GMDS: variants seen among roughly 807,000 people sequenced by gnomAD.
The protein encoded by GMDS is GDP-mannose 4,6-dehydratase.
Under a neutral mutation model 49.9 loss-of-function variants are expected in GMDS, and 20 were observed. The observed-to-expected ratio is 0.40, with a 90% CI of 0.28 to 0.58. The LOEUF is 0.58. Ranked by LOEUF, GMDS falls within the 20% of genes least tolerant of loss-of-function variation. The pLI is 0.42. For missense variants in GMDS, 362 were observed against 481.4 expected, an observed-to-expected ratio of 0.75 and a Z score of 2.32; for synonymous variants, 177 against 178.6, an observed-to-expected ratio of 0.99 and a Z score of 0.07.
intron 7 of GMDS, among the ~76,000 whole-genome samples, chr6:1,764,506 C>G (rs1442470945): frequency 6.6e-6 from 1 of 152,192 alleles, no homozygotes; most frequent in East Asian, 1.9e-4. Context: ...TTTTCTTACA[C>G]AGGTTATAGG....
At chr6:1,826,635 T>C (rs1285499123) in intron 7 of GMDS, among the ~76,000 whole-genome samples, 1 of 152,258 alleles carries the variant, frequency 6.6e-6, no homozygotes, top group Non-Finnish European at 1.5e-5. Flanking sequence ...TAATACCTGA[T>C]TGCATTTTCA....
chr6:1,726,916 C>CT (rs915737762), intron 8 of GMDS, among the ~76,000 whole-genome samples: 131 of 150,634 alleles, frequency 8.7e-4, no homozygotes, highest in Non-Finnish European at 1.5e-3. Flanking sequence ...TCTGTCTTCC[C>CT]TTTTTTTTTC....
chr6:2,102,449 C>A (rs1481761174), intron 4 of GMDS, among the ~76,000 whole-genome samples: 1 of 152,168 alleles, frequency 6.6e-6, no homozygotes, highest in African/African-American at 2.4e-5. Flanking sequence ...ACACAAATCA[C>A]TTAGATTTGC....
intron 6 of GMDS, among the ~76,000 whole-genome samples, chr6:1,954,844 G>C (rs1323249149): frequency 2.0e-5 from 3 of 152,104 alleles, no homozygotes; most frequent in Admixed American, 2.0e-4. Flanking sequence ...TCAGGGAACG[G>C]GGCGGCGGTG....
At chr6:2,077,570 G>C (rs779756392) in intron 4 of GMDS, among the ~76,000 whole-genome samples, 1 of 151,868 alleles carries the variant, frequency 6.6e-6, no homozygotes, top group Non-Finnish European at 1.5e-5. Context: ...TTCTGCTTAC[G>C]TGATGTATCA....
intron 7 of GMDS, among the ~76,000 whole-genome samples, chr6:1,775,126 T>G (rs1252659946): frequency 6.6e-6 from 1 of 152,140 alleles, no homozygotes; most frequent in Non-Finnish European, 1.5e-5. Flanking sequence ...ATACCAAGCC[T>G]TCTAGAGAAG....
At chr6:1,696,898 G>T (rs1765364289) in intron 9 of GMDS, among the ~76,000 whole-genome samples, 1 of 152,240 alleles carries the variant, frequency 6.6e-6, no homozygotes, top group South Asian at 2.1e-4. Context: ...TTGGCCTGTG[G>T]TTCTGTCACT....
intron 4 of GMDS, among the ~76,000 whole-genome samples, chr6:2,016,473 A>T (rs2127400539): frequency 6.6e-6 from 1 of 152,292 alleles, no homozygotes; most frequent in Admixed American, 6.5e-5. Flanking sequence ...TACCACAACC[A>T]AAAGGAGACA....
At chr6:1,940,587 CCAAGA>C (rs1234904996) in intron 6 of GMDS, among the ~76,000 whole-genome samples, 4 of 152,162 alleles carry the variant, frequency 2.6e-5, no homozygotes, top group Admixed American at 6.5e-5. Context: ...CTAAGTCCTG[CCAAGA>C]GCAACACTAT....
At chr6:2,150,265 T>C (rs1421269743) in intron 1 of GMDS, among the ~76,000 whole-genome samples, 2 of 152,146 alleles carry the variant, frequency 1.3e-5, no homozygotes, top group Admixed American at 1.3e-4. Context: ...ATGATTTCAC[T>C]AAGGCCAGAT....
intron 4 of GMDS, among the ~76,000 whole-genome samples, chr6:1,963,376 T>G (rs1298146919): frequency 2.0e-5 from 3 of 152,132 alleles, no homozygotes; most frequent in Non-Finnish European, 2.9e-5. Context: ...TTCTTACAGG[T>G]GTCTTATGAA....
intron 7 of GMDS, among the ~76,000 whole-genome samples, chr6:1,772,877 T>C (rs79377231): frequency 0.01 from 1,577 of 152,348 alleles, 34 homozygotes; most frequent in African/African-American, 0.037. Flanking sequence ...TGTTCCTGTT[T>C]AATATTCCTC....
At chr6:1,793,281 G>A (rs1769611828) in intron 7 of GMDS, among the ~76,000 whole-genome samples, 2 of 152,182 alleles carry the variant, frequency 1.3e-5, no homozygotes, top group South Asian at 4.1e-4. Context: ...TCTACTCCAG[G>A]ACGGCTTTAG....
Position 1,833,350 on chromosome 6 carries a change from C to A in GMDS, c.772-90764G>T, listed in dbSNP as rs755690306. ...CTTCCTTCATATGGAAAGCTCATCT[C>A]GGAGGTGTCAGGATAAAACATGAGA... On this transcript the variant is annotated intron_variant, in intron 7 of 10. Transcript: ENST00000380815. This position sits in a 1 kb window ranked among gnomAD's most constrained non-coding sequence, Gnocchi z 4.4. 6.6e-6 allele frequency among the ~76,000 whole-genome samples: 1 copy of A among 151,734 alleles called. No homozygotes were observed. The highest frequency in any genetic ancestry group is 1.5e-5 in the Non-Finnish European group (1 of 67,986).
intron 9 of GMDS, chr6:1,679,221 T>A (rs1764713678): frequency 6.6e-6 from 1 of 152,216 alleles, no homozygotes; most frequent in African/African-American, 2.4e-5. Context: ...GAGTGTAACT[T>A]GTGTGAAGGC....
intron 7 of GMDS, among the ~76,000 whole-genome samples, chr6:1,777,935 TA>T (rs1292811796): frequency 6.6e-6 from 1 of 151,990 alleles, no homozygotes; most frequent in Non-Finnish European, 1.5e-5. Context: ...ACACCCCAAA[TA>T]AAGGTGAAAT....
At chr6:1,661,439 C>T (rs549048230) in intron 9 of GMDS, among the ~76,000 whole-genome samples, 13 of 152,294 alleles carry the variant, frequency 8.5e-5, no homozygotes, top group South Asian at 6.2e-4. Context: ...CCTGTGATGT[C>T]GTTAAGTATG....
At chr6:1,740,178 TTTG>T (rs1767209716) in intron 8 of GMDS, among the ~76,000 whole-genome samples, 1 of 152,170 alleles carries the variant, frequency 6.6e-6, no homozygotes, top group Non-Finnish European at 1.5e-5. Flanking sequence ...ACAATATAAA[TTTG>T]TTAAAATATG....
At chr6:1,777,677 A>G (rs542733906) in intron 7 of GMDS, among the ~76,000 whole-genome samples, 3 of 152,330 alleles carry the variant, frequency 2.0e-5, no homozygotes, top group Admixed American at 6.5e-5. Context: ...TGTAGGGAAT[A>G]GAACTAGAGT....
Sources: allele counts gnomAD v4.1 joint callset (sites outside exome capture counted in the v4.1 genomes callset), GRCh38; gene constraint gnomAD v4.1.1; non-coding constraint Gnocchi (gnomAD v3.1); transcripts MANE v1.5; gene names NCBI Gene and HGNC (gene_info 2026-07-23, HGNC 2026-07-21).